The following RBMS3 variants were observed in gnomAD, a reference collection of about 807,000 sequenced individuals.
The protein encoded by RBMS3 is RNA binding motif single stranded interacting protein 3.
A neutral mutation model predicts 66.8 loss-of-function variants in RBMS3; 27 were observed. That is an observed-to-expected ratio of 0.40 (90% confidence interval 0.30 to 0.56). RBMS3 has a LOEUF of 0.56. Among genes scored for constraint, RBMS3 ranks in the 20% least tolerant of loss-of-function variants. RBMS3 has a pLI of 0.40. For missense variants in RBMS3, 513 were observed against 549.5 expected (o/e 0.93, Z 0.66); for synonymous variants, 188 against 183.0 (o/e 1.03, Z -0.22).
At chr3:29,896,060 A>AT (rs576193759) in intron 8 of RBMS3, among the ~76,000 whole-genome samples, 12 of 150,352 alleles carry the variant, frequency 8.0e-5, no homozygotes, top group African/African-American at 2.2e-4. Flanking sequence ...CATCCACACT[A>AT]TTTTTTTTTA....
chr3:29,649,213 C>T (rs1194382316), intron 4 of RBMS3, among the ~76,000 whole-genome samples: 1 of 152,022 alleles, frequency 6.6e-6, no homozygotes, highest in Non-Finnish European at 1.5e-5. Flanking sequence ...GTAACATGTT[C>T]ACATGGCAAT....
Position 29,666,735 on chromosome 3 carries a change from A to T in RBMS3, c.400-72985A>T, listed in dbSNP as rs115537745. Among the ~76,000 whole-genome samples, 1,483 of 152,306 alleles carry T rather than the reference A, an allele frequency of 9.7e-3. 37 individuals carry two copies. The highest frequency in any genetic ancestry group is 0.033 in the African/African-American group (1,387 of 41,568). The stretch of plus-strand genomic sequence containing the variant: ...CATTAATTTCATAACTTTTTAGGAA[A>T]AGCTATATGAATCTGCCAAAAATAT... On this transcript the variant is annotated intron_variant, in intron 4 of 14. Coordinates refer to ENST00000383767, the MANE Select transcript of RBMS3 (RefSeq NM_001003793.3).
At chr3:29,511,665 A>G (rs2044418232) in intron 3 of RBMS3, among the ~76,000 whole-genome samples, 1 of 152,164 alleles carries the variant, frequency 6.6e-6, no homozygotes, top group South Asian at 2.1e-4. Flanking sequence ...GACCCTACTC[A>G]TAGGACCATC....
At chr3:29,830,691 C>T (rs917847266) in intron 6 of RBMS3, among the ~76,000 whole-genome samples, 2 of 152,080 alleles carry the variant, frequency 1.3e-5, no homozygotes, top group African/African-American at 4.8e-5. Flanking sequence ...AACTTCTACT[C>T]AGACAGTAGA....
intron 1 of RBMS3, among the ~76,000 whole-genome samples, chr3:29,345,354 A>G (rs1449464380): frequency 1.3e-5 from 2 of 152,224 alleles, no homozygotes; most frequent in Admixed American, 6.5e-5. Flanking sequence ...CAGAAATGCT[A>G]TAGATTTCAG....
chr3:29,389,651 A>G (rs2039187541), intron 1 of RBMS3, among the ~76,000 whole-genome samples: 1 of 152,194 alleles, frequency 6.6e-6, no homozygotes, highest in Admixed American at 6.5e-5. Flanking sequence ...TAGCAAAAGT[A>G]TATTCGTTGT....
chr3:29,382,318 C>T (rs1170674948), intron 1 of RBMS3, among the ~76,000 whole-genome samples: 1 of 152,156 alleles, frequency 6.6e-6, no homozygotes, highest in Non-Finnish European at 1.5e-5. Flanking sequence ...TAAATGGAGG[C>T]AGAGAGCAGT....
intron 4 of RBMS3, among the ~76,000 whole-genome samples, chr3:29,732,365 G>A (rs1455322443): frequency 6.6e-6 from 1 of 152,100 alleles, no homozygotes; most frequent in Non-Finnish European, 1.5e-5. Context: ...ATTGGGTGAG[G>A]GCCACCCACA....
intron 1 of RBMS3, among the ~76,000 whole-genome samples, chr3:29,326,952 G>C (rs1284592209): frequency 1.3e-5 from 2 of 152,010 alleles, no homozygotes; most frequent in Non-Finnish European, 2.9e-5. Context: ...GGATGGTCTC[G>C]ATCTCCTGAC....
chr3:29,894,811 C>A (rs2060088153), intron 8 of RBMS3, among the ~76,000 whole-genome samples: 1 of 151,500 alleles, frequency 6.6e-6, no homozygotes, highest in Non-Finnish European at 1.5e-5. Context: ...TAGCTACAAT[C>A]CTCTCTGAAA....
At chr3:29,598,445 A>G (rs577749273) in intron 4 of RBMS3, among the ~76,000 whole-genome samples, 2 of 152,106 alleles carry the variant, frequency 1.3e-5, no homozygotes, top group African/African-American at 2.4e-5. Context: ...AGGATTTTAT[A>G]ATTACTGAGA....
chr3:29,666,486 T>G (rs1489428364), intron 4 of RBMS3, among the ~76,000 whole-genome samples: 1 of 152,134 alleles, frequency 6.6e-6, no homozygotes, highest in African/African-American at 2.4e-5. Flanking sequence ...GCTTTCAGAC[T>G]TTTTCTTTCT....
intron 1 of RBMS3, among the ~76,000 whole-genome samples, chr3:29,380,224 A>ACC (rs2038697547): frequency 6.6e-6 from 1 of 151,934 alleles, no homozygotes; most frequent in Admixed American, 6.6e-5. Context: ...ACACACACAC[A>ACC]CACACACACA....
At chr3:29,461,920 A>ATTTTTTTTTTTTTTT (rs61115023) in intron 2 of RBMS3, among the ~76,000 whole-genome samples, 1 of 93,302 alleles carries the variant, frequency 1.1e-5, no homozygotes, top group African/African-American at 4.1e-5. Flanking sequence ...TGCCCGGCTA[A>ATTTTTTTTTTTTTTT]TTTTTTTTTT....
intron 12 of RBMS3, among the ~76,000 whole-genome samples, chr3:29,953,105 C>T (rs1695789548): frequency 6.6e-6 from 1 of 151,858 alleles, no homozygotes; most frequent in African/African-American, 2.4e-5. Flanking sequence ...TCTGGAAGGG[C>T]TTATTACAGA....
intron 3 of RBMS3, among the ~76,000 whole-genome samples, chr3:29,507,232 C>G (rs142330762): frequency 9.4e-4 from 142 of 151,712 alleles, no homozygotes; most frequent in African/African-American, 3.2e-3. Context: ...TTTCAAGAGT[C>G]AATAAACTTT....
At chr3:29,507,978 T>A (rs2044249584) in intron 3 of RBMS3, among the ~76,000 whole-genome samples, 1 of 152,126 alleles carries the variant, frequency 6.6e-6, no homozygotes. Context: ...GAAAAACTCA[T>A]TTTTTCAATA....
chr3:29,774,508 G>A (rs1314689864), intron 6 of RBMS3, among the ~76,000 whole-genome samples: 1 of 151,998 alleles, frequency 6.6e-6, no homozygotes, highest in Non-Finnish European at 1.5e-5. Flanking sequence ...AAGCACTGAA[G>A]AAAAATATTG....
Position 29,353,027 on chromosome 3 carries a change from G to A in RBMS3, c.75+71271G>A, listed in dbSNP as rs1333753869. ...TTCATGCCTTCATTATACTTAATAC[G>A]TTTAAATGGCAATTTTATATATTGC... On this transcript the variant is annotated intron_variant, in intron 1 of 14. Transcript: ENST00000383767. Among the ~76,000 whole-genome samples the A allele has an allele frequency of 4.6e-5, 7 of 151,212 alleles. No individual in the cohort carries two copies. In the South Asian group the frequency reaches 6.3e-4, roughly 14 times the overall value.
Sources: gnomAD v4.1 joint callset for allele counts (sites outside exome capture counted in the v4.1 genomes callset) on GRCh38, gnomAD v4.1.1 for gene constraint, MANE v1.5 for transcripts, NCBI Gene and HGNC (gene_info 2026-07-23, HGNC 2026-07-21) for gene names.